CWC27: variants seen among roughly 807,000 people sequenced by gnomAD.
CWC27 encodes the protein CWC27 spliceosome associated cyclophilin, also known as spliceosome-associated protein CWC27 homolog.
Under a neutral mutation model 63.6 loss-of-function variants are expected in CWC27, and 47 were observed. The observed-to-expected ratio is 0.74, with a 90% CI of 0.58 to 0.94. CWC27 has a LOEUF of 0.94. CWC27 is among the 40% of genes least tolerant of loss of function. CWC27 has a pLI of 0.00. For synonymous variants in CWC27, 175 were observed against 179.8 expected (o/e 0.97, Z 0.22); for missense variants, 495 against 554.3 (o/e 0.89, Z 1.07).
chr5:64,966,646 T>C (rs1463432856), intron 11 of CWC27, among the ~76,000 whole-genome samples: 1 of 152,112 alleles, frequency 6.6e-6, no homozygotes, highest in African/African-American at 2.4e-5. Context: ...AAAGATGCCA[T>C]GCTCACTGGC....
At chr5:65,001,957 G>T (rs562795629) in intron 13 of CWC27, among the ~76,000 whole-genome samples, 3 of 151,734 alleles carry the variant, frequency 2.0e-5, no homozygotes, top group Admixed American at 6.6e-5. Context: ...GCTTTTCTTT[G>T]TTGGGAAATT....
At chr5:64,950,936 T>C (rs1274431036) in intron 11 of CWC27, among the ~76,000 whole-genome samples, 1 of 152,038 alleles carries the variant, frequency 6.6e-6, no homozygotes, top group African/African-American at 2.4e-5. Context: ...AATTCATCTA[T>C]TGTATCAGGT....
At chr5:64,838,164 A>C (rs1164534587) in intron 10 of CWC27, among the ~76,000 whole-genome samples, 1 of 152,132 alleles carries the variant, frequency 6.6e-6, no homozygotes. Flanking sequence ...CTTGTACAGC[A>C]TTTTGGGTAG....
chr5:64,971,840 G>T (rs373843958), intron 12 of CWC27, 28 bp downstream of exon 12: 1 of 1,426,534 alleles, frequency 7.0e-7, no homozygotes, highest in Non-Finnish European at 9.7e-7. Context: ...AATCCATACA[G>T]AACTTATTGT....
intron 10 of CWC27, among the ~76,000 whole-genome samples, chr5:64,825,528 A>G (rs746445055): frequency 1.3e-5 from 2 of 151,756 alleles, no homozygotes; most frequent in East Asian, 1.9e-4. Flanking sequence ...CCTTTTTTCT[A>G]CTTATTTAAT....
chr5:64,888,491 A>G (rs1261849966), intron 11 of CWC27, among the ~76,000 whole-genome samples: 1 of 145,968 alleles, frequency 6.9e-6, no homozygotes, highest in Non-Finnish European at 1.5e-5. Context: ...ACATTTAAAT[A>G]TAAATATACA....
chr5:64,921,035 G>T (rs926339649), intron 11 of CWC27, among the ~76,000 whole-genome samples: 1 of 151,918 alleles, frequency 6.6e-6, no homozygotes, highest in South Asian at 2.1e-4. Context: ...ACAATGTTAC[G>T]TTATGAATTT....
chr5:64,772,489 T>C (rs577803650), intron 1 of CWC27, among the ~76,000 whole-genome samples: 1 of 150,020 alleles, frequency 6.7e-6, no homozygotes, highest in African/African-American at 2.5e-5. Context: ...TAGCCGGGCA[T>C]GATGTTGTGA....
intron 10 of CWC27, among the ~76,000 whole-genome samples, chr5:64,879,552 T>TC (rs766105935): frequency 1.1e-4 from 17 of 152,016 alleles, no homozygotes; most frequent in Admixed American, 2.0e-4. Context: ...CCTAAGACAC[T>TC]CATGACACTA....
At chr5:64,929,579 T>C (rs1748195840) in intron 11 of CWC27, among the ~76,000 whole-genome samples, 1 of 152,162 alleles carries the variant, frequency 6.6e-6, no homozygotes, top group Non-Finnish European at 1.5e-5. Context: ...GAAAAAGATA[T>C]GCAAATGGAC....
intron 10 of CWC27, among the ~76,000 whole-genome samples, chr5:64,882,881 C>T (rs1311694296): frequency 6.6e-6 from 1 of 152,214 alleles, no homozygotes; most frequent in Non-Finnish European, 1.5e-5. Flanking sequence ...CAGGCGTGAG[C>T]CACCACACCC....
At chr5:64,983,006 T>A (rs994596220) in intron 13 of CWC27, among the ~76,000 whole-genome samples, 3 of 152,176 alleles carry the variant, frequency 2.0e-5, no homozygotes, top group Non-Finnish European at 4.4e-5. Flanking sequence ...TATGAGACTC[T>A]AATGACTGAT....
chr5:64,974,961 A>G (rs1227871176), intron 12 of CWC27, among the ~76,000 whole-genome samples: 1 of 152,236 alleles, frequency 6.6e-6, no homozygotes, highest in South Asian at 2.1e-4. Context: ...GAATAGCTTA[A>G]TTCTATAACC....
intron 12 of CWC27, 31 bp downstream of exon 12, chr5:64,971,843 CTTA>C (rs778126384): frequency 2.1e-6 from 3 of 1,410,066 alleles, no homozygotes; most frequent in Non-Finnish European, 2.0e-6. Context: ...CCATACAGAA[CTTA>C]TTGTCTTTTT....
intron 11 of CWC27, among the ~76,000 whole-genome samples, chr5:64,912,198 A>C (rs566321825): frequency 1.8e-4 from 28 of 152,234 alleles, no homozygotes; most frequent in Admixed American, 1.3e-3. Context: ...GCCTTTAGGC[A>C]CTGGTAGAAG....
intron 10 of CWC27, among the ~76,000 whole-genome samples, chr5:64,830,121 A>T (rs1482333471): frequency 4.0e-5 from 6 of 148,150 alleles, no homozygotes; most frequent in Non-Finnish European, 7.4e-5. Flanking sequence ...GGTGTGCTGC[A>T]CCCGTTAACT....
chr5:64,955,167 A>C (rs1748781942), intron 11 of CWC27, among the ~76,000 whole-genome samples: 1 of 152,152 alleles, frequency 6.6e-6, no homozygotes, highest in Non-Finnish European at 1.5e-5. Context: ...ACAGACATAA[A>C]ATATAGTGCC....
intron 11 of CWC27, among the ~76,000 whole-genome samples, chr5:64,929,624 G>A (rs1290902841): frequency 1.3e-5 from 2 of 152,072 alleles, no homozygotes; most frequent in Non-Finnish European, 2.9e-5. Flanking sequence ...CATCATTAGC[G>A]ATCAGGGAAA....
chr5:65,012,569 C>G (rs1227053586), intron 13 of CWC27, among the ~76,000 whole-genome samples: 2 of 152,134 alleles, frequency 1.3e-5, no homozygotes, highest in Non-Finnish European at 2.9e-5. Flanking sequence ...TTTGTTTTAC[C>G]AGTGTCCAGC....
Sources: allele counts gnomAD v4.1 joint callset (sites outside exome capture counted in the v4.1 genomes callset), GRCh38; gene constraint gnomAD v4.1.1; transcripts MANE v1.5; gene names NCBI Gene and HGNC (gene_info 2026-07-23, HGNC 2026-07-21).